The following MCPH1 variants were observed in gnomAD, a reference collection of about 807,000 sequenced individuals.
The protein encoded by MCPH1 is microcephalin.
In MCPH1, 104 loss-of-function variants were observed where a neutral mutation model predicts 84.5. The observed-to-expected ratio is 1.23, with a 90% CI of 1.05 to 1.45. The LOEUF (loss-of-function observed/expected upper bound fraction) is 1.45, where lower values mean the gene tolerates loss of function less well. Ranked by LOEUF, MCPH1 falls within the 40% of genes most tolerant of loss-of-function variation. MCPH1 has a pLI of 0.00. For synonymous variants in MCPH1, 514 were observed against 366.8 expected (o/e 1.40, Z -4.58); for missense variants, 1,498 against 1,005.7 (o/e 1.49, Z -6.62).
intron 12 of MCPH1, among the ~76,000 whole-genome samples, chr8:6,553,952 C>T (rs530074980): frequency 2.5e-4 from 38 of 152,112 alleles, no homozygotes; most frequent in Non-Finnish European, 3.4e-4. Flanking sequence ...TAGAAATCTT[C>T]TGTGTGTAGC....
chr8:6,500,010 G>A (rs1296062015), intron 12 of MCPH1, 81 bp downstream of exon 12: 2 of 1,218,418 alleles, frequency 1.6e-6, no homozygotes, highest in Admixed American at 3.4e-5. Context: ...GTGGACTTAA[G>A]TTTTTATCCA....
chr8:6,438,934 A>G lies in MCPH1; in HGVS notation c.437-19A>G, dbSNP rs1481313656. On this transcript the variant is annotated intron_variant, in intron 5 of 13. Transcript: ENST00000344683. ...AAGGCACTTTTTGGTCTTAAAGTGG[A>G]TTTTTTGTTTATTTTCAGATGATGA... is the stretch of plus-strand genomic sequence containing the variant. 8.7e-6 allele frequency: 14 copies of G among 1,609,722 alleles called. No homozygotes were observed. The highest frequency in any genetic ancestry group is 1.2e-5 in the Non-Finnish European group (14 of 1,177,860).
chr8:6,503,400 T>C, intron 12 of MCPH1: 8 of 792,528 alleles, frequency 1.0e-5, no homozygotes, highest in Non-Finnish European at 1.6e-5. Context: ...GAGTATAGGA[T>C]GTGCACTGGC....
intron 12 of MCPH1, among the ~76,000 whole-genome samples, chr8:6,586,522 G>A (rs902274168): frequency 5.3e-5 from 8 of 152,172 alleles, no homozygotes; most frequent in Admixed American, 2.6e-4. Flanking sequence ...GGAGGAGACC[G>A]CCCTTCTTTC....
intron 11 of MCPH1, among the ~76,000 whole-genome samples, chr8:6,496,366 G>T (rs1811225776): frequency 6.6e-6 from 1 of 152,144 alleles, no homozygotes; most frequent in African/African-American, 2.4e-5. Context: ...TGTAAATACA[G>T]ATGAGGCTTC....
At chr8:6,604,583 C>T (rs1462200405) in intron 12 of MCPH1, among the ~76,000 whole-genome samples, 1 of 152,248 alleles carries the variant, frequency 6.6e-6, no homozygotes, top group East Asian at 1.9e-4. Context: ...CGGCTCACTG[C>T]AATCTCTGCC....
At chr8:6,452,231 G>T (rs1444924596) in intron 8 of MCPH1, among the ~76,000 whole-genome samples, 1 of 151,930 alleles carries the variant, frequency 6.6e-6, no homozygotes, top group Non-Finnish European at 1.5e-5. Context: ...CCTTAATCTT[G>T]CTTATCTCTG....
In MCPH1 at chr8:6,442,123, C is replaced by A; in HGVS notation, c.637C>A (p.Pro213Thr). Reference protein sequence around the residue: ...DNPSNSLCEAPLNISRDTLCS... With the variant: ...DNPSNSLCEATLNISRDTLCS... ...TCCAAGTAACTCTCTGTGTGAAGCA[C>A]CTTTGAACATTTCACGTGATACTTT... The change falls in exon 7 of 14, where the codon CCT (proline) becomes ACT (threonine). Residue 213 changes from proline to threonine, a missense_variant. Pro to Thr is a conservative substitution (Grantham distance 38, BLOSUM62 -1). Transcript: ENST00000344683. 1 of 1,612,966 alleles carries A rather than the reference C, an allele frequency of 6.2e-7. No homozygotes were observed. The highest frequency in any genetic ancestry group is 8.5e-7 in the Non-Finnish European group (1 of 1,179,062).
intron 9 of MCPH1, chr8:6,474,322 C>G (rs1016942519): frequency 2.2e-6 from 1 of 460,290 alleles, no homozygotes; most frequent in South Asian, 2.3e-5. Flanking sequence ...CTCTGGTGTA[C>G]CTGGCTTTCT....
intron 1 of MCPH1, chr8:6,407,017 C>G (rs1327864921): frequency 2.4e-5 from 9 of 373,656 alleles, no homozygotes; most frequent in African/African-American, 1.8e-4. Flanking sequence ...TAGTTCCCCT[C>G]AATCCCCCGC....
At position 6,442,146 on chromosome 8, in the gene MCPH1, T is replaced by C. The variant is rs1364734388; in HGVS notation, c.660T>C (p.Thr220=). The stretch of plus-strand genomic sequence containing the variant: ...CACCTTTGAACATTTCACGTGATAC[T>C]TTGTGTTCAGGTAAAATTTTTATTT... ...CEAPLNISRD[T]LCSDEYFAGG... is the part of the protein sequence containing the mutation. The change falls in exon 7 of 14, where the codon ACT becomes ACC. Residue 220 remains threonine (T), a synonymous_variant. Coordinates refer to ENST00000344683, the MANE Select transcript of MCPH1 (RefSeq NM_024596.5). 1.2e-6 allele frequency: 2 copies of C among 1,604,314 alleles called. No individual in the cohort carries two copies. The highest frequency in any genetic ancestry group is 1.7e-6 in the Non-Finnish European group (2 of 1,171,236).
chr8:6,499,733 C>G (rs765765965), intron 11 of MCPH1, 119 bp from the exon 12 acceptor site: 7 of 810,110 alleles, frequency 8.6e-6, no homozygotes, highest in South Asian at 1.4e-5. Context: ...TCTGAGAACA[C>G]ATCTATTTCA....
intron 3 of MCPH1, among the ~76,000 whole-genome samples, chr8:6,421,742 C>G (rs1266419582): frequency 1.3e-5 from 2 of 152,304 alleles, no homozygotes; most frequent in African/African-American, 2.4e-5. Context: ...AAGGCATTCA[C>G]TACTTTCCCC....
chr8:6,488,565 C>A (rs939049667), intron 11 of MCPH1, among the ~76,000 whole-genome samples: 1 of 152,052 alleles, frequency 6.6e-6, no homozygotes, highest in Non-Finnish European at 1.5e-5. Context: ...TCGAAAGGTG[C>A]TAAACAGAAT....
chr8:6,470,892 A>G (rs985419219), intron 9 of MCPH1, among the ~76,000 whole-genome samples: 2 of 152,250 alleles, frequency 1.3e-5, no homozygotes, highest in South Asian at 4.1e-4. Flanking sequence ...ATGTACATAA[A>G]CTAAGGGGTG....
intron 12 of MCPH1, among the ~76,000 whole-genome samples, chr8:6,567,420 G>T (rs1254211258): frequency 1.3e-5 from 2 of 152,210 alleles, no homozygotes; most frequent in Non-Finnish European, 2.9e-5. Flanking sequence ...GAACAGGGGA[G>T]GACTGGTGCC....
chr8:6,419,448 A>G (rs1015402156), intron 3 of MCPH1, among the ~76,000 whole-genome samples: 2 of 150,808 alleles, frequency 1.3e-5, no homozygotes, highest in Non-Finnish European at 3.0e-5. Flanking sequence ...GGCCTAGTGC[A>G]GTGGCGCAAT....
At chr8:6,614,375 G>C (rs1830589866) in intron 12 of MCPH1, among the ~76,000 whole-genome samples, 1 of 152,150 alleles carries the variant, frequency 6.6e-6, no homozygotes, top group Non-Finnish European at 1.5e-5. Flanking sequence ...TGCCAGGCTG[G>C]CGCCTCCTCC....
chr8:6,421,236 A>C (rs1412407202), intron 3 of MCPH1, among the ~76,000 whole-genome samples: 1 of 152,048 alleles, frequency 6.6e-6, no homozygotes, highest in African/African-American at 2.4e-5. Flanking sequence ...TTAGCACAAC[A>C]GGTGTGGACT....
Sources: gnomAD v4.1 joint callset for allele counts (sites outside exome capture counted in the v4.1 genomes callset) on GRCh38, gnomAD v4.1.1 for gene constraint, MANE v1.5 for transcripts, NCBI Gene and HGNC (gene_info 2026-07-23, HGNC 2026-07-21) for gene names.